NTRK3: variants seen among roughly 807,000 people sequenced by gnomAD.
NTRK3 encodes the protein NT-3 growth factor receptor.
NTRK3 carries 24 observed loss-of-function variants against 91.7 expected under a neutral mutation model. The observed-to-expected ratio is 0.26, with a 90% confidence interval of 0.19 to 0.37. NTRK3 has a LOEUF of 0.37. NTRK3 is among the 10% of genes least tolerant of loss of function. The probability of loss-of-function intolerance (pLI) is 1.00; values close to 1 mark genes in which losing one functional copy is unlikely to be tolerated. For missense variants in NTRK3, 880 were observed against 1,068.9 expected, an observed-to-expected ratio of 0.82 and a Z score of 2.46; for synonymous variants, 483 against 404.0, an observed-to-expected ratio of 1.20 and a Z score of -2.34.
intron 17 of NTRK3, among the ~76,000 whole-genome samples, chr15:87,901,825 T>C (rs191141204): frequency 2.6e-5 from 4 of 152,128 alleles, no homozygotes; most frequent in Admixed American, 1.3e-4. Context: ...AGGTTAAGCA[T>C]CTTATTCAAA....
chr15:87,902,939 C>T (rs1479110119), intron 17 of NTRK3, among the ~76,000 whole-genome samples: 1 of 152,122 alleles, frequency 6.6e-6, no homozygotes, highest in Non-Finnish European at 1.5e-5. Flanking sequence ...CATGTCTGCA[C>T]CCAAATGCCA....
chr15:87,906,409 T>C (rs1241344618), intron 17 of NTRK3, among the ~76,000 whole-genome samples: 1 of 152,104 alleles, frequency 6.6e-6, no homozygotes, highest in Non-Finnish European at 1.5e-5. Context: ...TAAGGGACTT[T>C]CTACAAAGAT....
At chr15:88,068,949 A>C (rs921841932) in intron 13 of NTRK3, among the ~76,000 whole-genome samples, 2 of 152,162 alleles carry the variant, frequency 1.3e-5, no homozygotes, top group Admixed American at 6.5e-5. Flanking sequence ...GGAAGAAGGA[A>C]GAAAGAGAGG....
intron 5 of NTRK3, among the ~76,000 whole-genome samples, chr15:88,159,031 G>A (rs2044188710): frequency 6.6e-6 from 1 of 152,236 alleles, no homozygotes; most frequent in Admixed American, 6.5e-5. Flanking sequence ...CGGGCTGAGA[G>A]AGAGCTGCCC....
At chr15:87,979,094 T>C (rs1474715679) in intron 14 of NTRK3, 4 of 585,520 alleles carry the variant, frequency 6.8e-6, no homozygotes, top group Non-Finnish European at 1.2e-5. Flanking sequence ...CTAAAGATAG[T>C]GGCAGGAGCT....
At chr15:87,934,893 T>C (rs2069130900) in intron 15 of NTRK3, among the ~76,000 whole-genome samples, 2 of 152,160 alleles carry the variant, frequency 1.3e-5, no homozygotes, top group South Asian at 4.1e-4. Flanking sequence ...CCCTTCAACT[T>C]CAACCAGCAC....
Position 88,024,651 on chromosome 15 carries a change from A to C in NTRK3, c.1585+8206T>G, listed in dbSNP as rs186978891. Among the ~76,000 whole-genome samples, 33 of 152,336 alleles carry C rather than the reference A, an allele frequency of 2.2e-4. 1 individual carries two copies. In the East Asian group the frequency reaches 6.2e-3, roughly 28 times the overall value. ...GCCAGGAGCAGCTGAATGCACATCT[A>C]TAGTTTAAAATCTAGAAACTCATGT... On this transcript the variant is annotated intron_variant, in intron 14 of 18. Transcript: ENST00000394480.
At chr15:88,136,898 T>C (rs112399712) in intron 7 of NTRK3, among the ~76,000 whole-genome samples, 250 of 152,330 alleles carry the variant, frequency 1.6e-3, no homozygotes, top group African/African-American at 5.8e-3. Flanking sequence ...TTAAGCTCAA[T>C]GGCATCATTA....
At chr15:87,888,150 A>G (rs536644386) in intron 17 of NTRK3, among the ~76,000 whole-genome samples, 9 of 152,278 alleles carry the variant, frequency 5.9e-5, no homozygotes, top group Admixed American at 2.0e-4. Flanking sequence ...CCTATCACAC[A>G]TGCTCACAAA....
chr15:88,036,131 A>G (rs2142066956), intron 13 of NTRK3, among the ~76,000 whole-genome samples: 1 of 152,292 alleles, frequency 6.6e-6, no homozygotes, highest in South Asian at 2.1e-4. Context: ...CACCCAAATT[A>G]CTTACCCAGT....
chr15:87,919,389 G>A (rs749492008), intron 17 of NTRK3, among the ~76,000 whole-genome samples: 10 of 152,154 alleles, frequency 6.6e-5, no homozygotes, highest in Non-Finnish European at 1.2e-4. Flanking sequence ...TTAGAGCCCG[G>A]TTCTTTGCAC....
intron 14 of NTRK3, among the ~76,000 whole-genome samples, chr15:87,948,406 G>A (rs187939436): frequency 1.8e-4 from 27 of 152,342 alleles, no homozygotes; most frequent in African/African-American, 6.3e-4. Flanking sequence ...TAGTAATCAA[G>A]GCCAGGTGCG....
chr15:88,201,560 C>T lies in NTRK3; in HGVS notation c.249-17261G>A, dbSNP rs578105109. Among the ~76,000 whole-genome samples the T allele has an allele frequency of 1.8e-4, 28 of 152,306 alleles. 1 individual carries two copies. The South Asian group carries it at 5.6e-3, about 30-fold the overall frequency. On this transcript the variant is annotated intron_variant, in intron 3 of 18. Transcript: ENST00000394480. ...ACCCTCTCCTCCTGCACACCTCGTA[C>T]ATGCTACAGGAGTGCAGAGAGGTTA...
At chr15:88,180,520 A>G (rs1192752753) in intron 5 of NTRK3, among the ~76,000 whole-genome samples, 1 of 152,182 alleles carries the variant, frequency 6.6e-6, no homozygotes, top group Non-Finnish European at 1.5e-5. Flanking sequence ...GGCATGAGGA[A>G]GAATTACACT....
intron 10 of NTRK3, chr15:88,131,898 T>C (rs781231621): frequency 5.2e-6 from 1 of 192,114 alleles, no homozygotes; most frequent in Non-Finnish European, 1.1e-5. Context: ...CACCTCTGAC[T>C]GCACCAGCAG....
At chr15:87,891,337 T>C (rs1320869957) in intron 17 of NTRK3, among the ~76,000 whole-genome samples, 1 of 152,230 alleles carries the variant, frequency 6.6e-6, no homozygotes, top group Non-Finnish European at 1.5e-5. Flanking sequence ...ATTTGTTTCA[T>C]GTTTGCTTTT....
intron 13 of NTRK3, among the ~76,000 whole-genome samples, chr15:88,124,033 G>A (rs1367525500): frequency 6.6e-6 from 1 of 152,138 alleles, no homozygotes; most frequent in Non-Finnish European, 1.5e-5. Flanking sequence ...TGAGAAGAGG[G>A]ATGCATTCGG....
At chr15:88,094,500 AAAG>A (rs2150795492) in intron 13 of NTRK3, among the ~76,000 whole-genome samples, 1 of 151,170 alleles carries the variant, frequency 6.6e-6, no homozygotes, top group East Asian at 1.9e-4. Flanking sequence ...AAAAAAAAAA[AAAG>A]AATAAAAAGA....
At chr15:88,231,177 G>C (rs897346529) in intron 3 of NTRK3, among the ~76,000 whole-genome samples, 1 of 152,154 alleles carries the variant, frequency 6.6e-6, no homozygotes, top group Non-Finnish European at 1.5e-5. Context: ...GCTAAAGGCA[G>C]CATTGTTCCC....
Sources: gnomAD v4.1 joint callset for allele counts (sites outside exome capture counted in the v4.1 genomes callset) on GRCh38, gnomAD v4.1.1 for gene constraint, MANE v1.5 for transcripts, NCBI Gene and HGNC (gene_info 2026-07-23, HGNC 2026-07-21) for gene names.